PRKCB: variants seen among roughly 807,000 people sequenced by gnomAD.
The protein encoded by PRKCB is protein kinase C beta type.
A neutral mutation model predicts 81.5 loss-of-function variants in PRKCB; 13 were observed. The observed-to-expected ratio is 0.16, with a 90% CI of 0.10 to 0.25. The LOEUF is 0.25. Among genes scored for constraint, PRKCB ranks in the 10% least tolerant of loss-of-function variants. The pLI, the probability that PRKCB is intolerant of heterozygous loss-of-function variation, is 1.00. For missense variants in PRKCB, 509 were observed against 875.7 expected (o/e 0.58, Z 5.29); for synonymous variants, 335 against 321.4 (o/e 1.04, Z -0.45).
Position 23,995,033 on chromosome 16 carries a change from A to C in PRKCB, c.288+6443A>C, listed in dbSNP as rs188516155. ...GACATTTGTGTGTTAGAGGATGGGA[A>C]ATAAATCCAACTAAAATTTAGGGAC... is the stretch of plus-strand genomic sequence containing the variant. On this transcript the variant is annotated intron_variant, in intron 3 of 16. Coordinates refer to ENST00000643927, the MANE Select transcript of PRKCB (RefSeq NM_002738.7). 2.0e-5 allele frequency among the ~76,000 whole-genome samples: 3 copies of C among 152,352 alleles called. No homozygotes were observed. In the East Asian group the frequency reaches 5.8e-4, roughly 29 times the overall value.
intron 2 of PRKCB, among the ~76,000 whole-genome samples, chr16:23,982,115 TCCCTTC>T (rs1964736973): frequency 5.0e-5 from 2 of 40,258 alleles, no homozygotes; most frequent in Non-Finnish European, 9.5e-5. Flanking sequence ...CCCTTCCCTT[TCCCTTC>T]CCCTTCCCTT....
chr16:24,060,284 A>G (rs1965956483), intron 5 of PRKCB, among the ~76,000 whole-genome samples: 1 of 152,140 alleles, frequency 6.6e-6, no homozygotes, highest in Admixed American at 6.5e-5. Context: ...TACCTTGCAG[A>G]GTCATGGCAA....
chr16:23,928,537 A>G (rs1432086618), intron 2 of PRKCB, among the ~76,000 whole-genome samples: 1 of 152,106 alleles, frequency 6.6e-6, no homozygotes, highest in African/African-American at 2.4e-5. Flanking sequence ...GACCTCCATC[A>G]GAGGGTGGAG....
chr16:23,995,881 G>A (rs540571799), intron 3 of PRKCB, among the ~76,000 whole-genome samples: 3 of 152,214 alleles, frequency 2.0e-5, no homozygotes, highest in African/African-American at 7.2e-5. Flanking sequence ...TGTACGGTGT[G>A]CAGACACCAC....
intron 3 of PRKCB, among the ~76,000 whole-genome samples, chr16:24,002,717 T>G: frequency 6.6e-6 from 1 of 152,082 alleles, no homozygotes; most frequent in East Asian, 1.9e-4. Context: ...GAAACAAACT[T>G]CATCTCTGGA....
chr16:23,977,431 G>A (rs1456745734), intron 2 of PRKCB, among the ~76,000 whole-genome samples: 4 of 152,110 alleles, frequency 2.6e-5, no homozygotes, highest in Non-Finnish European at 5.9e-5. Flanking sequence ...CTGGGAGTGG[G>A]ACTTGAGCAC....
rs1305928028 is a variant in PRKCB at position 24,216,635 on chromosome 16, A to G, written c.*1819A>G. 2 of 984,996 alleles carry G rather than the reference A, an allele frequency of 2.0e-6. No individual in the cohort carries two copies. The highest frequency in any genetic ancestry group is 1.1e-4 in the East Asian group (1 of 8,742). 61.0% of individuals were successfully genotyped at this position (984,996 alleles called of 1,614,324 possible). A position where few individuals can be genotyped will look rare whatever the true frequency, so the allele number is the denominator to read the frequency against. ...TTTCTGCTTAGGCAAAGTCTCCTGCAGTTCATCCTTCTCTGTCCTCTTCTT... is the reference window on the plus strand; with the variant it reads ...TTTCTGCTTAGGCAAAGTCTCCTGCGGTTCATCCTTCTCTGTCCTCTTCTT... On this transcript the variant is annotated 3_prime_UTR_variant, in exon 17 of 17. Transcript: ENST00000643927.
chr16:24,061,318 C>T (rs754466449), intron 5 of PRKCB, among the ~76,000 whole-genome samples: 9 of 152,138 alleles, frequency 5.9e-5, no homozygotes, highest in East Asian at 1.9e-4. Flanking sequence ...ACTTTGGCCC[C>T]GCAAAGTGCT....
intron 5 of PRKCB, among the ~76,000 whole-genome samples, chr16:24,088,741 C>T (rs1351584448): frequency 6.8e-6 from 1 of 147,900 alleles, no homozygotes; most frequent in African/African-American, 2.6e-5. Context: ...AAAAAAATTG[C>T]TCTTAAACCA....
At chr16:24,095,933 C>T (rs532435352) in intron 7 of PRKCB, among the ~76,000 whole-genome samples, 9 of 152,282 alleles carry the variant, frequency 5.9e-5, no homozygotes, top group African/African-American at 1.7e-4. Context: ...TCCTCTCATC[C>T]TCCTAACCTC....
intron 2 of PRKCB, among the ~76,000 whole-genome samples, chr16:23,894,660 C>A (rs528678854): frequency 1.6e-4 from 24 of 152,228 alleles, no homozygotes; most frequent in African/African-American, 3.6e-4. Flanking sequence ...TCTAGCCAAC[C>A]CAGAGAATTG....
intron 5 of PRKCB, among the ~76,000 whole-genome samples, chr16:24,038,149 T>C (rs918528370): frequency 6.6e-6 from 1 of 151,886 alleles, no homozygotes; most frequent in Non-Finnish European, 1.5e-5. Context: ...ACCACTGCAC[T>C]CCAGCCTGGG....
chr16:23,865,789 T>A (rs925303449), intron 2 of PRKCB, among the ~76,000 whole-genome samples: 3 of 151,574 alleles, frequency 2.0e-5, no homozygotes, highest in Admixed American at 6.6e-5. Flanking sequence ...TAGCCTAGAC[T>A]CTGCCCTTTG....
At chr16:24,078,820 C>T (rs1966213377) in intron 5 of PRKCB, among the ~76,000 whole-genome samples, 1 of 152,150 alleles carries the variant, frequency 6.6e-6, no homozygotes. Flanking sequence ...ACGCTGGGAA[C>T]TGTAGGACCC....
chr16:23,909,844 A>G (rs960133931), intron 2 of PRKCB, among the ~76,000 whole-genome samples: 7 of 152,088 alleles, frequency 4.6e-5, no homozygotes, highest in Admixed American at 4.6e-4. Context: ...TGCTTCATCC[A>G]TTTTGAGTCC....
chr16:23,985,995 C>A (rs888245199), intron 2 of PRKCB, among the ~76,000 whole-genome samples: 9 of 152,060 alleles, frequency 5.9e-5, no homozygotes, highest in Admixed American at 1.3e-4. Flanking sequence ...GATGCTGGGA[C>A]AATTGGTTAC....
At chr16:23,839,016 T>G (rs1303521887) in intron 2 of PRKCB, among the ~76,000 whole-genome samples, 1 of 152,220 alleles carries the variant, frequency 6.6e-6, no homozygotes, top group Non-Finnish European at 1.5e-5. Flanking sequence ...TGCCTTTCAC[T>G]TCCATGAATC....
chr16:23,839,889 C>T (rs1962236979), intron 2 of PRKCB, among the ~76,000 whole-genome samples: 1 of 152,194 alleles, frequency 6.6e-6, no homozygotes, highest in Non-Finnish European at 1.5e-5. Context: ...CAGACTACCC[C>T]AATGGTGGGG....
intron 10 of PRKCB, among the ~76,000 whole-genome samples, chr16:24,162,973 G>A (rs947781649): frequency 5.3e-5 from 8 of 152,166 alleles, no homozygotes; most frequent in Admixed American, 2.0e-4. Flanking sequence ...AGATTTCTAG[G>A]TTTCTTTGTC....
Sources: allele counts gnomAD v4.1 joint callset (sites outside exome capture counted in the v4.1 genomes callset), GRCh38; gene constraint gnomAD v4.1.1; transcripts MANE v1.5; gene names NCBI Gene and HGNC (gene_info 2026-07-23, HGNC 2026-07-21).